Variants in CCDC85A observed in about 807,000 individuals in gnomAD.
The protein encoded by CCDC85A is coiled-coil domain-containing protein 85A.
In CCDC85A, 38 loss-of-function variants were observed where a neutral mutation model predicts 50.2. The observed-to-expected ratio is 0.76, with a 90% CI of 0.58 to 0.99. CCDC85A has a LOEUF of 0.99. Among genes scored for constraint, CCDC85A ranks in the 50% least tolerant of loss-of-function variants. The pLI, the probability that CCDC85A is intolerant of heterozygous loss-of-function variation, is 0.00. For synonymous variants in CCDC85A, 366 were observed against 301.4 expected, an observed-to-expected ratio of 1.21 and a Z score of -2.22; for missense variants, 820 against 742.0, an observed-to-expected ratio of 1.11 and a Z score of -1.22.
At chr2:56,349,890 C>G (rs78446972) in intron 3 of CCDC85A, among the ~76,000 whole-genome samples, 1 of 151,174 alleles carries the variant, frequency 6.6e-6, no homozygotes, top group Non-Finnish European at 1.5e-5. Context: ...GTTACCTGTC[C>G]TTGGCAGAAT....
intron 2 of CCDC85A, among the ~76,000 whole-genome samples, chr2:56,223,787 C>T (rs1383784423): frequency 4.6e-5 from 7 of 152,104 alleles, no homozygotes; most frequent in Non-Finnish European, 8.8e-5. Flanking sequence ...CATACAAATA[C>T]CTGGAATGGC....
chr2:56,285,020 A>T (rs1361144573), intron 2 of CCDC85A, among the ~76,000 whole-genome samples: 1 of 152,026 alleles, frequency 6.6e-6, no homozygotes, highest in Non-Finnish European at 1.5e-5. Context: ...TTAAGACAGC[A>T]AAATGTTGGA....
chr2:56,315,721 G>A (rs968288687), intron 2 of CCDC85A, among the ~76,000 whole-genome samples: 1 of 152,088 alleles, frequency 6.6e-6, no homozygotes, highest in Non-Finnish European at 1.5e-5. Flanking sequence ...GCCAGCTCTT[G>A]AAAGATAGGT....
chr2:56,336,102 A>G (rs1674059100), intron 2 of CCDC85A, among the ~76,000 whole-genome samples: 1 of 152,102 alleles, frequency 6.6e-6, no homozygotes, highest in Admixed American at 6.6e-5. Context: ...CTATAAACTC[A>G]TGGCCACTAT....
At chr2:56,381,583 G>C (rs758405260) in intron 5 of CCDC85A, among the ~76,000 whole-genome samples, 2 of 152,004 alleles carry the variant, frequency 1.3e-5, no homozygotes, top group South Asian at 2.1e-4. Context: ...TTACTTGCTC[G>C]AACTATTTTC....
chr2:56,215,343 A>G (rs1174595021), intron 2 of CCDC85A, among the ~76,000 whole-genome samples: 1 of 151,806 alleles, frequency 6.6e-6, no homozygotes, highest in Non-Finnish European at 1.5e-5. Context: ...GCCAGTAAAG[A>G]TAGTGTTATT....
At chr2:56,331,435 T>C (rs537070215) in intron 2 of CCDC85A, among the ~76,000 whole-genome samples, 1 of 152,194 alleles carries the variant, frequency 6.6e-6, no homozygotes, top group African/African-American at 2.4e-5. Context: ...ATGGGTACAA[T>C]GTACATTATT....
chr2:56,359,631 C>T (rs1040790327), intron 3 of CCDC85A, among the ~76,000 whole-genome samples: 3 of 152,070 alleles, frequency 2.0e-5, no homozygotes, highest in African/African-American at 4.8e-5. Flanking sequence ...CTATGTTTAT[C>T]GATGGATGAA....
chr2:56,191,350 A>C (rs1342151727), intron 1 of CCDC85A, among the ~76,000 whole-genome samples: 1 of 152,200 alleles, frequency 6.6e-6, no homozygotes, highest in Admixed American at 6.5e-5. Context: ...ATATATCCCT[A>C]CCACCTGGAC....
intron 2 of CCDC85A, among the ~76,000 whole-genome samples, chr2:56,294,180 C>T (rs570270499): frequency 3.3e-5 from 5 of 151,982 alleles, no homozygotes; most frequent in Admixed American, 6.6e-5. Flanking sequence ...AGCAAAGTAA[C>T]GCAGGAACAG....
chr2:56,217,899 T>G (rs1195408531), intron 2 of CCDC85A, among the ~76,000 whole-genome samples: 1 of 151,834 alleles, frequency 6.6e-6, no homozygotes, highest in Non-Finnish European at 1.5e-5. Flanking sequence ...TTAATTAGGT[T>G]TGCCTGATTA....
At chr2:56,308,449 A>C (rs533886094) in intron 2 of CCDC85A, among the ~76,000 whole-genome samples, 1 of 152,310 alleles carries the variant, frequency 6.6e-6, no homozygotes, top group South Asian at 2.1e-4. Flanking sequence ...GGAGGTGGCA[A>C]GATGAGCTTT....
At chr2:56,288,995 A>G (rs1221056433) in intron 2 of CCDC85A, among the ~76,000 whole-genome samples, 2 of 152,186 alleles carry the variant, frequency 1.3e-5, no homozygotes, top group Non-Finnish European at 2.9e-5. Flanking sequence ...AAGAGTTTCA[A>G]TAATGTAAGC....
At chr2:56,204,370 G>T (rs978996977) in intron 2 of CCDC85A, among the ~76,000 whole-genome samples, 2 of 152,134 alleles carry the variant, frequency 1.3e-5, no homozygotes, top group Non-Finnish European at 1.5e-5. Context: ...TTCATTTATA[G>T]TGCTGAACAT....
At chr2:56,201,799 A>G (rs908264647) in intron 2 of CCDC85A, among the ~76,000 whole-genome samples, 2 of 152,216 alleles carry the variant, frequency 1.3e-5, no homozygotes, top group African/African-American at 4.8e-5. Flanking sequence ...TGAGGGCAAT[A>G]TAGCTGTATT....
chr2:56,363,496 C>G (rs144255646), intron 3 of CCDC85A, among the ~76,000 whole-genome samples: 1 of 152,118 alleles, frequency 6.6e-6, no homozygotes, highest in South Asian at 2.1e-4. Flanking sequence ...AGGATACATA[C>G]AAGAAGCTGA....
chr2:56,274,538 C>T (rs1175054859), intron 2 of CCDC85A, among the ~76,000 whole-genome samples: 1 of 152,182 alleles, frequency 6.6e-6, no homozygotes, highest in Non-Finnish European at 1.5e-5. Context: ...TTAGGGCTTT[C>T]AACCGATTGG....
chr2:56,206,202 T>A (rs1026394023), intron 2 of CCDC85A, among the ~76,000 whole-genome samples: 2 of 152,142 alleles, frequency 1.3e-5, no homozygotes, highest in African/African-American at 4.8e-5. Flanking sequence ...GCAACATTAG[T>A]TTCTCACACA....
intron 3 of CCDC85A, among the ~76,000 whole-genome samples, chr2:56,364,819 G>T (rs1179984608): frequency 6.6e-6 from 1 of 152,040 alleles, no homozygotes; most frequent in Non-Finnish European, 1.5e-5. Flanking sequence ...AATTTCTTCT[G>T]CTATTTTCCA....
Sources: allele counts gnomAD v4.1 joint callset (sites outside exome capture counted in the v4.1 genomes callset), GRCh38; gene constraint gnomAD v4.1.1; transcripts MANE v1.5; gene names NCBI Gene and HGNC (gene_info 2026-07-23, HGNC 2026-07-21).